Variants in BCAR1 observed in about 807,000 individuals in gnomAD.
BCAR1 encodes BCAR1 scaffold protein, Cas family member, also known as breast cancer anti-estrogen resistance protein 1.
Under a neutral mutation model 67.6 loss-of-function variants are expected in BCAR1, and 30 were observed. That is an observed-to-expected ratio of 0.44 (90% CI 0.33 to 0.60). The LOEUF is 0.60. BCAR1 is among the 20% of genes least tolerant of loss of function. The probability of loss-of-function intolerance (pLI) is 0.02; values close to 1 mark genes in which losing one functional copy is unlikely to be tolerated. For synonymous variants in BCAR1, 626 were observed against 556.7 expected (o/e 1.12, Z -1.75); for missense variants, 1,313 against 1,222.3 (o/e 1.07, Z -1.11).
Position 75,235,223 on chromosome 16 carries a change from C to G in BCAR1, c.1676G>C (p.Gly559Ala), listed in dbSNP as rs766541432. ...TCCCCGGCCAGCGTCGAGGGCCTGA[C>G]CATGTGCCACCAGCGTCTGGTGCAC... ...EDVHQTLVAH[G>A]QALDAGRGGS... Residue 559 changes from glycine to alanine, a missense_variant, in exon 5 of 7, where the codon GGT becomes GCT. Transcript: ENST00000162330. 6.2e-7 allele frequency: 1 copy of G among 1,607,080 alleles called. No individual in the cohort carries two copies. The highest frequency in any genetic ancestry group is 8.5e-7 in the Non-Finnish European group (1 of 1,176,372).
intron 1 of BCAR1, among the ~76,000 whole-genome samples, chr16:75,257,829 C>T (rs988523922): frequency 6.6e-6 from 1 of 152,170 alleles, no homozygotes; most frequent in Non-Finnish European, 1.5e-5. Context: ...GGAGCCTATG[C>T]CGGCCTATAG....
intron 1 of BCAR1, among the ~76,000 whole-genome samples, chr16:75,259,850 TAAAA>T (rs144448216): frequency 1.4e-5 from 1 of 73,460 alleles, no homozygotes; most frequent in Non-Finnish European, 2.5e-5. Context: ...AGACTCCATC[TAAAA>T]AAAAAAAAAA....
intron 1 of BCAR1, chr16:75,264,526 C>G (rs1324271648): frequency 3.6e-6 from 5 of 1,406,856 alleles, no homozygotes; most frequent in Middle Eastern, 3.7e-4. Context: ...TTTCTGAAGA[C>G]GAGACGATTA....
intron 5 of BCAR1, 115 bp from the exon 6 acceptor site, chr16:75,234,050 C>T (rs1190397098): frequency 2.7e-5 from 23 of 841,382 alleles, no homozygotes; most frequent in South Asian, 4.6e-5. Flanking sequence ...TGCGTGTGCG[C>T]GCACACACAC....
chr16:75,259,448 AAGACTC>A (rs538166907), intron 1 of BCAR1, among the ~76,000 whole-genome samples: 39 of 152,248 alleles, frequency 2.6e-4, no homozygotes, highest in African/African-American at 7.0e-4. Context: ...GTAACACAGC[AAGACTC>A]AGACTCAGAC....
chr16:75,244,055 C>G (rs896678086), intron 1 of BCAR1, among the ~76,000 whole-genome samples: 1 of 152,234 alleles, frequency 6.6e-6, no homozygotes, highest in Non-Finnish European at 1.5e-5. Flanking sequence ...ATGGGTTCCA[C>G]AGGGGCCCCA....
rs1380892621 is a variant in BCAR1 at position 75,243,048 on chromosome 16, G to A, written c.55C>T (p.Pro19Ser). Residue 19 changes from proline (P) to serine (S), a missense_variant, in exon 2 of 7, where the codon CCG (proline) becomes TCG (serine). Coordinates refer to ENST00000162330, the MANE Select transcript of BCAR1 (RefSeq NM_014567.5). ...KALYDNVAES[P>S]DELSFRKGDI... ...CCCTTGCGGAAGGAGAGCTCATCCGGGGACTCGGCCACATTGTCATAGAGC... is the reference window on the plus strand; with the variant it reads ...CCCTTGCGGAAGGAGAGCTCATCCGAGGACTCGGCCACATTGTCATAGAGC... 6.2e-7 allele frequency: 1 copy of A among 1,608,504 alleles called. No homozygotes were observed. The highest frequency in any genetic ancestry group is 8.5e-7 in the Non-Finnish European group (1 of 1,176,038).
chr16:75,233,280 G>C (rs1403854488), intron 6 of BCAR1, among the ~76,000 whole-genome samples: 1 of 152,128 alleles, frequency 6.6e-6, no homozygotes. Flanking sequence ...GGCTGAGGCA[G>C]GAGAATCGCT....
intron 1 of BCAR1, 151 bp downstream of exon 1, chr16:75,251,320 G>T (rs1172388321): frequency 1.3e-5 from 15 of 1,119,874 alleles, no homozygotes; most frequent in Middle Eastern, 2.7e-4. Context: ...CGGCTTCCCG[G>T]CCAGGGCAGA....
At position 75,235,853 on chromosome 16, in the gene BCAR1, G is replaced by A; in HGVS notation, c.1046C>T (p.Ala349Val). ...CGGCGGGGAGTCTGGAGGGGGCGCA[G>A]CCAGTACCAGTGGGGTGCGGGCCGG... ...FDPARTPLVL[A>V]APPPDSPPAE... is the part of the protein sequence containing the mutation. The change falls in exon 5 of 7, where the codon GCT becomes GTT. Residue 349 changes from alanine (A) to valine (V), a missense_variant. This residue lies in a region of BCAR1 where 1,272 missense variants were observed against 1,137.5 expected (regional missense o/e 1.12). Coordinates refer to ENST00000162330, the MANE Select transcript of BCAR1 (RefSeq NM_014567.5). The A allele has an allele frequency of 6.4e-7, 1 of 1,567,754 alleles. No homozygotes were observed. The highest frequency in any genetic ancestry group is 8.6e-7 in the Non-Finnish European group (1 of 1,158,056).
In BCAR1 at chr16:75,242,911, C is replaced by T. The variant is rs1373853052; in HGVS notation, c.192G>A (p.Val64=). ...IVPGNRLKIL[V]GMYDKKPAGP... is the part of the protein sequence containing the mutation. ...CTGCTGGCTTCTTATCATACATGCC[C>T]ACCAAGATCTTGAGGCGGTTCCCAG... Residue 64 remains valine (V), a synonymous_variant, in exon 2 of 7, where the codon GTG becomes GTA. Coordinates refer to ENST00000162330, the MANE Select transcript of BCAR1 (RefSeq NM_014567.5). 2 of 1,612,488 alleles carry T rather than the reference C, an allele frequency of 1.2e-6. No homozygotes were observed. The highest frequency in any genetic ancestry group is 1.7e-6 in the Non-Finnish European group (2 of 1,179,804).
intron 2 of BCAR1, among the ~76,000 whole-genome samples, chr16:75,241,375 G>A (rs557262833): frequency 7.2e-5 from 11 of 152,262 alleles, no homozygotes; most frequent in South Asian, 2.1e-4. Flanking sequence ...CATCATGCAC[G>A]TGTGTTCATC....
At chr16:75,232,705 C>T (rs746711238) in intron 6 of BCAR1, among the ~76,000 whole-genome samples, 2 of 152,176 alleles carry the variant, frequency 1.3e-5, no homozygotes, top group Admixed American at 6.5e-5. Flanking sequence ...ACCCTGCCAC[C>T]GTTCTGAGAT....
At chr16:75,250,255 C>G (rs1172153708) in intron 1 of BCAR1, among the ~76,000 whole-genome samples, 1 of 152,194 alleles carries the variant, frequency 6.6e-6, no homozygotes, top group Non-Finnish European at 1.5e-5. Context: ...GTGTCAGCAG[C>G]TCCTCCCCAA....
intron 6 of BCAR1, 22 bp from the exon 7 acceptor site, chr16:75,230,045 A>G (rs2076843404): frequency 6.6e-7 from 1 of 1,522,652 alleles, no homozygotes; most frequent in Non-Finnish European, 8.8e-7. Flanking sequence ...GGGAAGCAGG[A>G]GCAGGGTTAG....
intron 2 of BCAR1, chr16:75,238,625 T>C: frequency 1.0e-6 from 1 of 986,172 alleles, no homozygotes; most frequent in South Asian, 4.7e-5. Context: ...CTGGGCCCAC[T>C]AGGTCTCCAG....
intron 2 of BCAR1, among the ~76,000 whole-genome samples, chr16:75,239,358 C>T (rs971992876): frequency 1.3e-5 from 2 of 152,184 alleles, no homozygotes; most frequent in South Asian, 4.1e-4. Flanking sequence ...AAACACAGCA[C>T]AGGCCCACTG....
At chr16:75,239,458 C>T (rs1240893594) in intron 2 of BCAR1, among the ~76,000 whole-genome samples, 11 of 152,170 alleles carry the variant, frequency 7.2e-5, no homozygotes, top group East Asian at 3.9e-4. Context: ...GGGGGACAAG[C>T]GAACTCAGGA....
chr16:75,243,165 G>C, intron 1 of BCAR1, 75 bp from the exon 2 acceptor site: 2 of 1,454,776 alleles, frequency 1.4e-6, no homozygotes, highest in Non-Finnish European at 1.9e-6. Flanking sequence ...CTCCTGCCCT[G>C]CTCTGGGGAG....
Sources: allele counts gnomAD v4.1 joint callset (sites outside exome capture counted in the v4.1 genomes callset), GRCh38; gene constraint gnomAD v4.1.1; regional missense constraint gnomAD v4.1.1; transcripts MANE v1.5; gene names NCBI Gene and HGNC (gene_info 2026-07-23, HGNC 2026-07-21).